Variants in DCBLD2 observed in about 807,000 individuals in gnomAD.
DCBLD2 encodes discoidin, CUB and LCCL domain-containing protein 2.
DCBLD2 carries 54 observed loss-of-function variants against 86.8 expected under a neutral mutation model. That is an observed-to-expected ratio of 0.62 (90% CI 0.50 to 0.78). The LOEUF (loss-of-function observed/expected upper bound fraction) is 0.78, where lower values mean the gene tolerates loss of function less well. DCBLD2 is among the 30% of genes least tolerant of loss of function. The pLI, the probability that DCBLD2 is intolerant of heterozygous loss-of-function variation, is 0.00. For missense variants in DCBLD2, 908 were observed against 954.2 expected (o/e 0.95, Z 0.64); for synonymous variants, 354 against 341.3 (o/e 1.04, Z -0.41).
intron 13 of DCBLD2, among the ~76,000 whole-genome samples, chr3:98,807,386 T>C (rs548756739): frequency 7.2e-5 from 11 of 152,254 alleles, no homozygotes; most frequent in Admixed American, 2.0e-4. Flanking sequence ...ATGAATGGGA[T>C]TGGTGCCCTT....
intron 1 of DCBLD2, among the ~76,000 whole-genome samples, chr3:98,890,765 T>G (rs987495938): frequency 6.6e-6 from 1 of 152,088 alleles, no homozygotes; most frequent in Non-Finnish European, 1.5e-5. Context: ...CTTAACTGTA[T>G]GTAACCTTGT....
intron 3 of DCBLD2, among the ~76,000 whole-genome samples, chr3:98,832,854 G>A (rs1055247674): frequency 9.9e-5 from 15 of 152,198 alleles, no homozygotes; most frequent in African/African-American, 3.4e-4. Flanking sequence ...TTTCTCTCTA[G>A]CTGCCTTTAA....
At chr3:98,841,382 A>C (rs1402965445) in intron 3 of DCBLD2, among the ~76,000 whole-genome samples, 1 of 152,244 alleles carries the variant, frequency 6.6e-6, no homozygotes, top group Non-Finnish European at 1.5e-5. Flanking sequence ...TACAATTAAA[A>C]ACATTTTCAA....
At chr3:98,898,399 A>T (rs932859963) in intron 1 of DCBLD2, among the ~76,000 whole-genome samples, 4 of 150,702 alleles carry the variant, frequency 2.7e-5, no homozygotes, top group Non-Finnish European at 4.4e-5. Flanking sequence ...TCCATACTAG[A>T]TGCATTTCTA....
chr3:98,896,156 AATG>A (rs1198431723), intron 1 of DCBLD2, among the ~76,000 whole-genome samples: 4 of 152,242 alleles, frequency 2.6e-5, no homozygotes, highest in Non-Finnish European at 4.4e-5. Flanking sequence ...TCAGCTGGTG[AATG>A]ATGTTTTAGT....
intron 3 of DCBLD2, among the ~76,000 whole-genome samples, chr3:98,831,319 G>A (rs1220599531): frequency 6.6e-6 from 1 of 151,570 alleles, no homozygotes; most frequent in African/African-American, 2.4e-5. Context: ...CCAAAGTGCT[G>A]GGATTTCAGG....
intron 2 of DCBLD2, among the ~76,000 whole-genome samples, chr3:98,879,058 A>G (rs1202995336): frequency 6.6e-6 from 1 of 152,132 alleles, no homozygotes; most frequent in East Asian, 1.9e-4. Context: ...CACTCTACCA[A>G]CAGTGCCACT....
intron 3 of DCBLD2, among the ~76,000 whole-genome samples, chr3:98,839,173 T>C (rs1942568622): frequency 1.7e-5 from 1 of 57,560 alleles, no homozygotes; most frequent in Non-Finnish European, 3.5e-5. Context: ...CTTTCTTTCC[T>C]TTCTTTCTTC....
rs1941626502 is a variant in DCBLD2, at chr3:98,797,321, A to G, written c.*2051T>C. ...CTAAACAACAACAACAAAAACCTCC[A>G]GGAAAAAACAATCAGGTATACACAA... is the stretch of plus-strand genomic sequence containing the variant. On this transcript the variant is annotated 3_prime_UTR_variant, in exon 16 of 16. Coordinates refer to ENST00000326840, the MANE Select transcript of DCBLD2 (RefSeq NM_080927.4). 1 of 152,040 alleles carries G rather than the reference A, an allele frequency of 6.6e-6. No individual in the cohort carries two copies. Among genetic ancestry groups the G allele is most frequent in the East Asian group, 1.9e-4 (1 of 5,172 alleles). 9.4% of individuals were successfully genotyped at this position (152,040 alleles called of 1,614,324 possible).
intron 2 of DCBLD2, among the ~76,000 whole-genome samples, chr3:98,880,090 C>T (rs1480045107): frequency 2.0e-5 from 3 of 152,210 alleles, no homozygotes; most frequent in Non-Finnish European, 2.9e-5. Flanking sequence ...ACCATATATT[C>T]ATGCAATACG....
At chr3:98,893,005 A>C (rs1436293228) in intron 1 of DCBLD2, among the ~76,000 whole-genome samples, 1 of 152,130 alleles carries the variant, frequency 6.6e-6, no homozygotes, top group Admixed American at 6.6e-5. Flanking sequence ...GGAGACAGTC[A>C]TGCCTTTCTG....
intron 2 of DCBLD2, among the ~76,000 whole-genome samples, chr3:98,871,713 AG>A (rs1943284566): frequency 6.6e-6 from 1 of 152,286 alleles, no homozygotes; most frequent in South Asian, 2.1e-4. Flanking sequence ...TATGTTCATT[AG>A]GAATATTGGT....
intron 7 of DCBLD2, among the ~76,000 whole-genome samples, chr3:98,819,919 TACTCTATCACTCG>T (rs1942088206): frequency 6.6e-6 from 1 of 152,218 alleles, no homozygotes; most frequent in Admixed American, 6.5e-5. Context: ...TTGTTCACTT[TACTCTATCACTCG>T]AACCAGAGCA....
chr3:98,852,465 T>A (rs1362230595), intron 2 of DCBLD2, among the ~76,000 whole-genome samples: 1 of 152,182 alleles, frequency 6.6e-6, no homozygotes, highest in African/African-American at 2.4e-5. Context: ...CAGGCTGGTC[T>A]AGAACTCCTG....
At position 98,901,594 on chromosome 3, in the gene DCBLD2, G is replaced by A; in HGVS notation, c.-268C>T. ...CGGAGTCCTCGAGCCGCGGAGGACG[G>A]CCGCGGCGGAGCTAAGGAACGTGCC... On this transcript the variant is annotated 5_prime_UTR_variant, in exon 1 of 16. Transcript: ENST00000326840. 3.4e-6 allele frequency: 1 copy of A among 295,000 alleles called. No individual in the cohort carries two copies. The highest frequency in any genetic ancestry group is 6.2e-6 in the Non-Finnish European group (1 of 161,274). The allele number at this position is 295,000 out of a possible 1,614,324, so 18.3% of individuals were successfully genotyped here. A position where few individuals can be genotyped will look rare whatever the true frequency, so the allele number is the denominator to read the frequency against.
intron 3 of DCBLD2, among the ~76,000 whole-genome samples, chr3:98,843,350 T>C (rs1395902454): frequency 6.6e-6 from 1 of 152,150 alleles, no homozygotes; most frequent in Admixed American, 6.6e-5. Flanking sequence ...AACCAAAATT[T>C]GGAACCCAAT....
rs527812426 is a variant in DCBLD2, at chr3:98,806,202, A to G, written c.1670+1879T>C. On this transcript the variant is annotated intron_variant, in intron 13 of 15. Transcript: ENST00000326840. ...GGTAACTGCAGAAGCTTTTGCAGAT[A>G]CACAAAAGCTTGTTACACTATGCAT... is the stretch of plus-strand genomic sequence containing the variant. Among the ~76,000 whole-genome samples, 5 of 152,344 alleles carry G rather than the reference A, an allele frequency of 3.3e-5. No homozygotes were observed. The East Asian group carries it at 9.6e-4, about 29-fold the overall frequency.
At chr3:98,813,183 G>A (rs971352647) in intron 9 of DCBLD2, 4 of 152,202 alleles carry the variant, frequency 2.6e-5, no homozygotes, top group African/African-American at 9.7e-5. Context: ...AGAACTCCTG[G>A]GCTCAAAAGA....
intron 9 of DCBLD2, chr3:98,813,601 G>C (rs1426791712): frequency 1.3e-5 from 2 of 152,130 alleles, no homozygotes; most frequent in African/African-American, 2.4e-5. Flanking sequence ...CTGTCCTCAA[G>C]TATACTCACA....
Sources: allele counts gnomAD v4.1 joint callset (sites outside exome capture counted in the v4.1 genomes callset), GRCh38; gene constraint gnomAD v4.1.1; transcripts MANE v1.5; gene names NCBI Gene and HGNC (gene_info 2026-07-23, HGNC 2026-07-21).